Variants in PCYT1B observed in about 807,000 individuals in gnomAD.
PCYT1B encodes the protein phosphate cytidylyltransferase 1B, choline.
Under a neutral mutation model 26.4 loss-of-function variants are expected in PCYT1B, and 10 were observed. The observed-to-expected ratio is 0.38, with a 90% CI of 0.23 to 0.64. PCYT1B has a LOEUF of 0.64. PCYT1B is among the 30% of genes least tolerant of loss of function. The pLI is 0.56. For missense variants in PCYT1B, 161 were observed against 292.7 expected (o/e 0.55, Z 3.28); for synonymous variants, 131 against 108.4 (o/e 1.21, Z -1.29).
chrX:24,615,360 T>C (rs1233790455), intron 2 of PCYT1B, among the ~76,000 whole-genome samples: 1 of 111,512 alleles, frequency 9.0e-6, no homozygotes, highest in Non-Finnish European at 1.9e-5. Flanking sequence ...CAGCAGGCAA[T>C]GTACAGGTGC....
rs1291100876 is a variant in PCYT1B, at chrX:24,647,285, C to A, written c.-180G>T. 1 of 1,010,075 alleles carries A rather than the reference C, an allele frequency of 9.9e-7. No individual in the cohort carries two copies. The highest frequency in any genetic ancestry group is 2.1e-5 in the African/African-American group (1 of 48,040). 83.2% of individuals were successfully genotyped at this position (1,010,075 alleles called of 1,213,427 possible). A position where few individuals can be genotyped will look rare whatever the true frequency, so the allele number is the denominator to read the frequency against. On this transcript the variant is annotated 5_prime_UTR_variant, in exon 1 of 8. Transcript: ENST00000379144. ...GGTTACCCCCCGCCCCTCTCTCTCTCTCTCTCTCCCAGAAGCCAAGAGGCA... is the reference window on the plus strand; with the variant it reads ...GGTTACCCCCCGCCCCTCTCTCTCTATCTCTCTCCCAGAAGCCAAGAGGCA...
intron 7 of PCYT1B, among the ~76,000 whole-genome samples, chrX:24,564,362 GT>G (rs199509538): frequency 6.0e-5 from 5 of 83,073 alleles, no homozygotes; most frequent in Admixed American, 1.5e-4. Context: ...TTGTTTTTTT[GT>G]TTTTTTGTTT....
Position 24,616,252 on chromosome X carries a change from TA to T in PCYT1B, c.217+2732del, listed in dbSNP as rs374749107. 2.2e-3 allele frequency among the ~76,000 whole-genome samples: 152 copies of T among 68,839 alleles called. 2 individuals are homozygous for T. Among genetic ancestry groups the T allele is most frequent in the Middle Eastern group, 0.01 (1 of 98 alleles). 59.8% of individuals were successfully genotyped at this position (68,839 alleles called of 115,157 possible). A position where few individuals can be genotyped will look rare whatever the true frequency, so the allele number is the denominator to read the frequency against. On this transcript the variant is annotated intron_variant, in intron 2 of 7. Coordinates refer to ENST00000379144, the MANE Select transcript of PCYT1B (RefSeq NM_004845.5). ...ACTTTTTTTTTTTTTTTTTTTTTTTTAAAAAAACAGAGTCTTGCGCTGTCGC... is the reference window on the plus strand; with the variant it reads ...ACTTTTTTTTTTTTTTTTTTTTTTTTAAAAAACAGAGTCTTGCGCTGTCGC...
intron 7 of PCYT1B, among the ~76,000 whole-genome samples, chrX:24,565,001 G>A (rs972073849): frequency 4.5e-5 from 5 of 110,400 alleles, no homozygotes; most frequent in Non-Finnish European, 9.5e-5. Flanking sequence ...AGACTGTGGG[G>A]TGGGAGGAGG....
rs1247326295 is a variant in PCYT1B, at chrX:24,559,619, C to A, written c.*2674G>T. ...CAGCCCTCATTCTGAAGCTTCCTTT[C>A]CTCACTAGGGCAAAAAGAATCTCTT... On this transcript the variant is annotated 3_prime_UTR_variant, in exon 8 of 8. Coordinates refer to ENST00000379144, the MANE Select transcript of PCYT1B (RefSeq NM_004845.5). The A allele has an allele frequency of 9.0e-6, 1 of 111,664 alleles. No homozygotes were observed. The highest frequency in any genetic ancestry group is 1.9e-5 in the Non-Finnish European group (1 of 53,124). The allele number at this position is 111,664 out of a possible 1,213,427, so 9.2% of individuals were successfully genotyped here.
rs1169980397 is a variant in PCYT1B, at chrX:24,590,054, G to A, written c.455C>T (p.Thr152Ile). Residue 152 changes from threonine to isoleucine, a missense_variant, in exon 4 of 8, where the codon ACA (threonine) becomes ATA (isoleucine). Thr to Ile is a moderately conservative substitution (Grantham distance 89, BLOSUM62 -1). Around this residue, in one of 4 missense-constraint regions of PCYT1B, gnomAD observed 65 missense variants for 145.0 expected, o/e 0.45. Coordinates refer to ENST00000379144, the MANE Select transcript of PCYT1B (RefSeq NM_004845.5). The stretch of plus-strand genomic sequence containing the variant: ...TTTTTCCAGAAACTCTGGCGTGAGT[G>A]TCCAGGGAGCATCTCTGATAACTTC... ...VDEVIRDAPWTLTPEFLEKHK... is the reference protein window; with the variant it reads ...VDEVIRDAPWILTPEFLEKHK... The A allele has an allele frequency of 5.0e-6, 6 of 1,205,208 alleles. No individual in the cohort carries two copies. Among genetic ancestry groups the A allele is most frequent in the Non-Finnish European group, 6.7e-6 (6 of 891,933 alleles).
chrX:24,667,266 C>A (rs1371938477), intron 1 of PCYT1B, among the ~76,000 whole-genome samples: 1 of 110,744 alleles, frequency 9.0e-6, no homozygotes, highest in African/African-American at 3.3e-5. Context: ...TAAGAGGACT[C>A]TTGAATCAGC....
chrX:24,640,944 G>A (rs1926447209), intron 1 of PCYT1B, among the ~76,000 whole-genome samples: 1 of 111,129 alleles, frequency 9.0e-6, no homozygotes, highest in East Asian at 2.8e-4. Flanking sequence ...TGATCTTTTT[G>A]TTTTTTTGAG....
At chrX:24,630,970 T>C (rs1001249108) in intron 1 of PCYT1B, among the ~76,000 whole-genome samples, 2 of 111,578 alleles carry the variant, frequency 1.8e-5, no homozygotes, top group Admixed American at 9.5e-5. Context: ...TTGCCCAGGC[T>C]GGAGTGCAGT....
chrX:24,606,549 G>T (rs1925141341), intron 3 of PCYT1B, among the ~76,000 whole-genome samples: 1 of 109,946 alleles, frequency 9.1e-6, no homozygotes, highest in Non-Finnish European at 1.9e-5. Context: ...ACCTGCAGAA[G>T]AGTTCCTCTT....
At chrX:24,658,509 T>C (rs1255957438) in intron 1 of PCYT1B, among the ~76,000 whole-genome samples, 1 of 95,624 alleles carries the variant, frequency 1.0e-5, no homozygotes, top group Non-Finnish European at 2.1e-5. Flanking sequence ...TTCATTGCTT[T>C]TTTTTTTTTT....
At chrX:24,623,994 C>T (rs1197737453) in intron 1 of PCYT1B, among the ~76,000 whole-genome samples, 1 of 86,407 alleles carries the variant, frequency 1.2e-5, no homozygotes, top group Non-Finnish European at 2.2e-5. Flanking sequence ...TTTTTTGAGA[C>T]AGAGTCTCGC....
chrX:24,647,098 A>G lies in PCYT1B; in HGVS notation c.8T>C (p.Val3Ala). Residue 3 changes from valine (V) to alanine (A), a missense_variant, in exon 1 of 8, where the codon GTA becomes GCA. Val to Ala is a moderately conservative substitution (Grantham distance 64). This residue lies in a region of PCYT1B where 51 missense variants were observed against 51.0 expected (regional missense o/e 1.00). Transcript: ENST00000379144. ...TTCTGACTCAGCATCAGTGGTAACT[A>G]CTGGCATGGCCAGTGAATGCTCCCT... MP[V>A]VTTDAESETG... 1 of 1,207,170 alleles carries G rather than the reference A, an allele frequency of 8.3e-7. No individual in the cohort carries two copies. The highest frequency in any genetic ancestry group is 1.1e-6 in the Non-Finnish European group (1 of 891,424).
At chrX:24,672,525 T>G in intron 1 of PCYT1B, 1 of 1,045,575 alleles carries the variant, frequency 9.6e-7, no homozygotes, top group Non-Finnish European at 1.3e-6. Context: ...GAACTGACTT[T>G]GATATTCAAT....
At chrX:24,619,823 C>T (rs1453437622) in intron 1 of PCYT1B, among the ~76,000 whole-genome samples, 2 of 112,496 alleles carry the variant, frequency 1.8e-5, no homozygotes, top group East Asian at 5.6e-4. Flanking sequence ...CTCTGGGGAA[C>T]GCTGTGAGAA....
At chrX:24,652,284 C>T (rs1029626213), upstream of PCYT1B, among the ~76,000 whole-genome samples, 1 of 112,605 alleles carries the variant, frequency 8.9e-6, no homozygotes, top group Non-Finnish European at 1.9e-5. Flanking sequence ...ACAGGCCATG[C>T]GTGGTGGCTC....
chrX:24,590,003 T>G lies in PCYT1B; in HGVS notation c.486+20A>C, dbSNP rs374615951. ...CTCCCTAATCTTGCTACTTAGAGAA[T>G]GTGGGAGAATGAGAAGTACCTTGTG... On this transcript the variant is annotated intron_variant, in intron 4 of 7. Transcript: ENST00000379144. The G allele has an allele frequency of 9.4e-6, 11 of 1,174,072 alleles. No homozygotes were observed. Among genetic ancestry groups the G allele is most frequent in the African/African-American group, 1.8e-5 (1 of 56,355 alleles).
intron 7 of PCYT1B, among the ~76,000 whole-genome samples, chrX:24,564,477 C>T (rs1458361500): frequency 9.2e-6 from 1 of 108,868 alleles, no homozygotes; most frequent in African/African-American, 3.4e-5. Context: ...CTCAGCCTCC[C>T]CAGTAGCTGG....
intron 7 of PCYT1B, among the ~76,000 whole-genome samples, chrX:24,574,463 C>A (rs945881389): frequency 9.0e-5 from 10 of 111,359 alleles, no homozygotes; most frequent in African/African-American, 3.3e-4. Context: ...CAAGGAGACC[C>A]TCTACATTTC....
Sources: gnomAD v4.1 joint callset for allele counts (sites outside exome capture counted in the v4.1 genomes callset) on GRCh38, gnomAD v4.1.1 for gene constraint, gnomAD v4.1.1 regional missense constraint, MANE v1.5 for transcripts, NCBI Gene and HGNC (gene_info 2026-07-23, HGNC 2026-07-21) for gene names.